Variants in ZHX3 observed in about 807,000 individuals in gnomAD.
The protein encoded by ZHX3 is zinc fingers and homeoboxes 3, also known as zinc fingers and homeoboxes protein 3.
In ZHX3, 20 loss-of-function variants were observed where a neutral mutation model predicts 64.5. The ratio of observed to expected loss-of-function variants is 0.31; its 90% CI spans 0.22 to 0.45. The LOEUF is 0.45. Ranked by LOEUF, ZHX3 falls within the 20% of genes least tolerant of loss-of-function variation. The probability of loss-of-function intolerance (pLI) is 1.00; values close to 1 mark genes in which losing one functional copy is unlikely to be tolerated. For synonymous variants in ZHX3, 423 were observed against 461.6 expected, an observed-to-expected ratio of 0.92 and a Z score of 1.07; for missense variants, 1,041 against 1,195.8, an observed-to-expected ratio of 0.87 and a Z score of 1.91.
intron 1 of ZHX3, among the ~76,000 whole-genome samples, chr20:41,286,309 A>T (rs150456714): frequency 9.1e-4 from 139 of 152,296 alleles, no homozygotes; most frequent in African/African-American, 3.2e-3. Context: ...GTCTTTGAAA[A>T]AAGCCATTTC....
intron 1 of ZHX3, among the ~76,000 whole-genome samples, chr20:41,296,748 G>C (rs2044550081): frequency 6.6e-6 from 1 of 152,210 alleles, no homozygotes; most frequent in Non-Finnish European, 1.5e-5. Context: ...CCAATGCTAA[G>C]TCCCAGAAAG....
chr20:41,218,923 G>GTTTTTTTTTTT, intron 2 of ZHX3, among the ~76,000 whole-genome samples: 1 of 92,576 alleles, frequency 1.1e-5, no homozygotes, highest in Non-Finnish European at 2.0e-5. Flanking sequence ...AAACAGTGCT[G>GTTTTTTTTTTT]TTTTTTTTTT....
intron 2 of ZHX3, among the ~76,000 whole-genome samples, chr20:41,220,570 A>G (rs1479386454): frequency 6.6e-6 from 1 of 152,204 alleles, no homozygotes; most frequent in Non-Finnish European, 1.5e-5. Flanking sequence ...CAAGTTCCAC[A>G]AAAGCTGGAT....
At chr20:41,193,020 T>G (rs2037172404) in intron 3 of ZHX3, among the ~76,000 whole-genome samples, 1 of 152,216 alleles carries the variant, frequency 6.6e-6, no homozygotes, top group Non-Finnish European at 1.5e-5. Flanking sequence ...GCCTTGCTTC[T>G]TTTTCCTTCC....
chr20:41,254,047 G>A (rs1367121306), intron 2 of ZHX3, among the ~76,000 whole-genome samples: 4 of 152,106 alleles, frequency 2.6e-5, no homozygotes, highest in African/African-American at 9.7e-5. Context: ...CACTTTGGGA[G>A]GCTAAGGCAG....
At chr20:41,234,012 C>T (rs1033999376) in intron 2 of ZHX3, among the ~76,000 whole-genome samples, 7 of 152,170 alleles carry the variant, frequency 4.6e-5, no homozygotes, top group Non-Finnish European at 1.0e-4. Flanking sequence ...AAACAAAAAA[C>T]GCAGTACAGA....
At position 41,203,198 on chromosome 20, in the gene ZHX3, C is replaced by G. The variant is rs199909508; in HGVS notation, c.1719G>C (p.Glu573Asp). 6.2e-7 allele frequency: 1 copy of G among 1,614,128 alleles called. No individual in the cohort carries two copies. The highest frequency in any genetic ancestry group is 2.2e-5 in the East Asian group (1 of 44,878). The change falls in exon 3 of 4, where the codon GAG (glutamate) becomes GAC (aspartate). Residue 573 changes from glutamate to aspartate, a missense_variant. Coordinates refer to ENST00000683867, the MANE Select transcript of ZHX3 (RefSeq NM_001384317.1). The surrounding 1 kb of genome is among the most constrained non-coding windows in gnomAD (Gnocchi z 7.1). Reference protein sequence around the residue: ...HSSIIIDSVPEVSFSPSSKVP... With the variant: ...HSSIIIDSVPDVSFSPSSKVP... ...CCTTGGACGATGGGGAGAAGGACACCTCTGGCACAGAGTCAATGATGATGG... is the reference window on the plus strand; with the variant it reads ...CCTTGGACGATGGGGAGAAGGACACGTCTGGCACAGAGTCAATGATGATGG...
At chr20:41,317,263 T>C (rs1046890544) in intron 1 of ZHX3, 1 of 151,082 alleles carries the variant, frequency 6.6e-6, no homozygotes, top group Non-Finnish European at 1.5e-5. Flanking sequence ...TGATGACAGA[T>C]GGCGGAGGGC....
chr20:41,277,777 G>C (rs1386324309), intron 1 of ZHX3, among the ~76,000 whole-genome samples: 2 of 136,912 alleles, frequency 1.5e-5, no homozygotes, highest in Non-Finnish European at 3.2e-5. Flanking sequence ...ATTTTTAGTA[G>C]AGACGGGGTT....
intron 3 of ZHX3, among the ~76,000 whole-genome samples, chr20:41,189,980 CT>C (rs571937907): frequency 9.9e-5 from 15 of 151,712 alleles, no homozygotes; most frequent in African/African-American, 3.6e-4. Flanking sequence ...CCTTTACTAT[CT>C]TCTTTCTATG....
intron 2 of ZHX3, among the ~76,000 whole-genome samples, chr20:41,264,769 C>T (rs1036810338): frequency 3.9e-5 from 6 of 151,926 alleles, no homozygotes; most frequent in African/African-American, 1.5e-4. Flanking sequence ...AAGCTCACTC[C>T]GAACTTACGC....
intron 1 of ZHX3, among the ~76,000 whole-genome samples, chr20:41,313,189 G>A (rs905698011): frequency 1.3e-5 from 2 of 152,270 alleles, no homozygotes; most frequent in African/African-American, 4.8e-5. Context: ...GAAGGGGAGA[G>A]TAAGGAAGGG....
chr20:41,314,157 T>C (rs2146849463), intron 1 of ZHX3, among the ~76,000 whole-genome samples: 1 of 152,328 alleles, frequency 6.6e-6, no homozygotes, highest in Admixed American at 6.5e-5. Context: ...GTAAAAATTC[T>C]ACCCCAAGAT....
At chr20:41,214,775 GAT>G (rs1417873799) in intron 2 of ZHX3, among the ~76,000 whole-genome samples, 1 of 152,218 alleles carries the variant, frequency 6.6e-6, no homozygotes, top group Non-Finnish European at 1.5e-5. Flanking sequence ...GAGCATGTCT[GAT>G]AAATGAGGCA....
chr20:41,249,645 C>G (rs2041889493), intron 2 of ZHX3, among the ~76,000 whole-genome samples: 1 of 152,202 alleles, frequency 6.6e-6, no homozygotes, highest in South Asian at 2.1e-4. Flanking sequence ...CTAATCTACT[C>G]ACCATTTAAA....
chr20:41,216,611 T>A (rs1028776517), intron 2 of ZHX3, among the ~76,000 whole-genome samples: 1 of 152,242 alleles, frequency 6.6e-6, no homozygotes, highest in Non-Finnish European at 1.5e-5. Flanking sequence ...TCATAGTTTA[T>A]TTAACCATTC....
At chr20:41,281,143 T>C (rs1283365661) in intron 1 of ZHX3, among the ~76,000 whole-genome samples, 2 of 152,242 alleles carry the variant, frequency 1.3e-5, no homozygotes, top group Admixed American at 1.3e-4. Flanking sequence ...ACCAGACTTC[T>C]CATCTGCAAT....
At chr20:41,223,046 T>C (rs941150008) in intron 2 of ZHX3, among the ~76,000 whole-genome samples, 1 of 152,124 alleles carries the variant, frequency 6.6e-6, no homozygotes, top group African/African-American at 2.4e-5. Context: ...TCCAGCAAGA[T>C]CTTACACACA....
intron 1 of ZHX3, among the ~76,000 whole-genome samples, chr20:41,292,146 G>C (rs930691883): frequency 2.6e-5 from 4 of 151,202 alleles, no homozygotes; most frequent in African/African-American, 9.7e-5. Flanking sequence ...CAGCTGAATT[G>C]TCAGTGTCAA....
Sources: allele counts gnomAD v4.1 joint callset (sites outside exome capture counted in the v4.1 genomes callset), GRCh38; gene constraint gnomAD v4.1.1; non-coding constraint Gnocchi (gnomAD v3.1); transcripts MANE v1.5; gene names NCBI Gene and HGNC (gene_info 2026-07-23, HGNC 2026-07-21).